Variants in TENM1 observed in about 807,000 individuals in gnomAD.
TENM1 encodes the protein teneurin transmembrane protein 1.
TENM1 carries 35 observed loss-of-function variants against 174.8 expected under a neutral mutation model. That is an observed-to-expected ratio of 0.20 (90% CI 0.15 to 0.27). The LOEUF is 0.27. TENM1 is among the 10% of genes least tolerant of loss of function. The pLI is 1.00. For missense variants in TENM1, 1,633 were observed against 2,130.1 expected, an observed-to-expected ratio of 0.77 and a Z score of 4.59; for synonymous variants, 781 against 798.7, an observed-to-expected ratio of 0.98 and a Z score of 0.37.
At chrX:125,048,004 G>A in the TENM1 span, among the ~76,000 whole-genome samples, 1 of 111,087 alleles carries the variant, frequency 9.0e-6, no homozygotes, top group African/African-American at 3.3e-5. Context: ...AAGCCACTTA[G>A]CAAAATCATT....
chrX:124,763,197 A>G (rs2054461264), intron 3 of TENM1, among the ~76,000 whole-genome samples: 1 of 111,243 alleles, frequency 9.0e-6, no homozygotes. Context: ...AAGGTTTCAC[A>G]GAAAAGTTGT....
chrX:124,613,558 T>G (rs1310964840), intron 11 of TENM1, among the ~76,000 whole-genome samples: 2 of 111,896 alleles, frequency 1.8e-5, no homozygotes, highest in African/African-American at 6.5e-5. Context: ...CAGGAGGTTA[T>G]AAAGTATTTC....
At chrX:125,078,078 G>T in the TENM1 span, among the ~76,000 whole-genome samples, 2 of 111,825 alleles carry the variant, frequency 1.8e-5, no homozygotes, top group Non-Finnish European at 3.8e-5. Flanking sequence ...GCAGTCTTGG[G>T]TTGGCAGTGA....
chrX:124,790,882 T>C (rs1431610368), intron 3 of TENM1, among the ~76,000 whole-genome samples: 1 of 111,217 alleles, frequency 9.0e-6, no homozygotes, highest in Non-Finnish European at 1.9e-5. Flanking sequence ...AAGTAGGTAA[T>C]GTCCACAATA....
rs777705593 is a variant in TENM1 at position 124,810,765 on chromosome X, T to C, written c.536-73568A>G. On this transcript the variant is annotated intron_variant, in intron 3 of 31. Transcript: ENST00000422452. ...CAATCTTGAGCAAAATGAACAAAACTGGAGTCATCACCCTACTTGACTTCA... is the reference window on the plus strand; with the variant it reads ...CAATCTTGAGCAAAATGAACAAAACCGGAGTCATCACCCTACTTGACTTCA... 3.6e-5 allele frequency among the ~76,000 whole-genome samples: 4 copies of C among 111,599 alleles called. No individual in the cohort carries two copies. The East Asian group carries it at 8.4e-4, about 23-fold the overall frequency.
At chrX:124,630,255 C>G (rs2050727232) in intron 11 of TENM1, among the ~76,000 whole-genome samples, 1 of 112,266 alleles carries the variant, frequency 8.9e-6, no homozygotes, top group African/African-American at 3.2e-5. Flanking sequence ...ACTGAATGAA[C>G]CTAGCAGAGA....
the TENM1 span, among the ~76,000 whole-genome samples, chrX:125,080,988 G>T: frequency 9.0e-6 from 1 of 110,731 alleles, no homozygotes; most frequent in East Asian, 2.9e-4. Flanking sequence ...GGCTTGTTTT[G>T]TTCTTTACAA....
chrX:124,470,990 A>G lies in TENM1; in HGVS notation c.3949+10742T>C, dbSNP rs180932819. Among the ~76,000 whole-genome samples, 553 of 105,818 alleles carry G rather than the reference A, an allele frequency of 5.2e-3. 2 individuals are homozygous for G. Among genetic ancestry groups the G allele is most frequent in the African/African-American group, 0.018 (516 of 29,138 alleles). 91.9% of individuals were successfully genotyped at this position (105,818 alleles called of 115,157 possible). A position where few individuals can be genotyped will look rare whatever the true frequency, so the allele number is the denominator to read the frequency against. ...ATAATATCTGGTCTTTTGTTGAATT[A>G]TAATAAATGCTCAGAAAATTAAAGA... On this transcript the variant is annotated intron_variant, in intron 22 of 31. Coordinates refer to ENST00000422452, the Ensembl canonical transcript of TENM1.
chrX:124,959,821 A>T (rs141089815), intron 1 of TENM1, among the ~76,000 whole-genome samples: 80 of 112,001 alleles, frequency 7.1e-4, no homozygotes, highest in African/African-American at 2.5e-3. Context: ...AACCTCAACC[A>T]GTAATCAATT....
At chrX:125,142,398 G>A in the TENM1 span, among the ~76,000 whole-genome samples, 8 of 111,019 alleles carry the variant, frequency 7.2e-5, no homozygotes, top group African/African-American at 2.6e-4. Context: ...CAGAGCTTTA[G>A]TACTCCACAG....
intron 3 of TENM1, among the ~76,000 whole-genome samples, chrX:124,872,030 CAAA>C (rs748541890): frequency 1.2e-3 from 42 of 35,300 alleles, no homozygotes; most frequent in African/African-American, 4.0e-3. Flanking sequence ...GACTCTGTCT[CAAA>C]AAAAAAAAAA....
At chrX:124,979,394 T>C in the TENM1 span, among the ~76,000 whole-genome samples, 1 of 112,044 alleles carries the variant, frequency 8.9e-6, no homozygotes, top group Non-Finnish European at 1.9e-5. Flanking sequence ...GATGTTTTAA[T>C]GGCAGGATTT....
chrX:124,894,488 T>G (rs2057529198), intron 2 of TENM1, 136 bp from the exon 6 acceptor site: 1 of 444,739 alleles, frequency 2.2e-6, no homozygotes, highest in Non-Finnish European at 3.9e-6. Context: ...ATATGTAATA[T>G]TCATCCTTTT....
chrX:124,707,985 A>G (rs2052951696), intron 4 of TENM1, among the ~76,000 whole-genome samples: 1 of 112,532 alleles, frequency 8.9e-6, no homozygotes, highest in Admixed American at 9.4e-5. Context: ...TACATGTAGA[A>G]TGAGCAGATC....
intron 8 of TENM1, among the ~76,000 whole-genome samples, chrX:124,651,278 T>C (rs990199017): frequency 4.5e-5 from 5 of 111,364 alleles, no homozygotes; most frequent in Non-Finnish European, 7.5e-5. Flanking sequence ...CTGAAACTAA[T>C]TAGGGTGAAA....
intron 11 of TENM1, among the ~76,000 whole-genome samples, chrX:124,623,922 G>A (rs2050579357): frequency 8.9e-6 from 1 of 111,767 alleles, no homozygotes; most frequent in African/African-American, 3.3e-5. Context: ...TCTGGAATGA[G>A]CCTGATGCTC....
chrX:124,674,238 CT>C (rs1269969717), intron 5 of TENM1, among the ~76,000 whole-genome samples: 1 of 95,583 alleles, frequency 1.0e-5, no homozygotes, highest in African/African-American at 4.0e-5. Flanking sequence ...GGGCAAAAAG[CT>C]GGAGAAACCT....
chrX:124,940,199 C>T (rs931515712), intron 1 of TENM1, among the ~76,000 whole-genome samples: 14 of 111,572 alleles, frequency 1.3e-4, no homozygotes, highest in African/African-American at 3.6e-4. Context: ...GAGTGGGCAA[C>T]TGAACAAAGC....
chrX:124,916,459 C>A (rs975594473), intron 1 of TENM1, among the ~76,000 whole-genome samples: 2 of 111,211 alleles, frequency 1.8e-5, no homozygotes, highest in Non-Finnish European at 3.8e-5. Context: ...AGGTGTACAT[C>A]ACTATGCCCA....
Sources: gnomAD v4.1 joint callset for allele counts (sites outside exome capture counted in the v4.1 genomes callset) on GRCh38, gnomAD v4.1.1 for gene constraint, MANE v1.5 for transcripts, NCBI Gene and HGNC (gene_info 2026-07-23, HGNC 2026-07-21) for gene names.